Variants in CD200R1 observed in about 807,000 individuals in gnomAD.
The protein encoded by CD200R1 is cell surface glycoprotein CD200 receptor 1.
A neutral mutation model predicts 38.1 loss-of-function variants in CD200R1; 30 were observed. The ratio of observed to expected loss-of-function variants is 0.79; its 90% CI spans 0.59 to 1.07. The LOEUF is 1.07. Ranked by LOEUF, CD200R1 falls within the 50% of genes least tolerant of loss-of-function variation. CD200R1 has a pLI of 0.00. For synonymous variants in CD200R1, 128 were observed against 152.1 expected (o/e 0.84, Z 1.16); for missense variants, 372 against 415.4 (o/e 0.90, Z 0.91).
intron 1 of CD200R1, among the ~76,000 whole-genome samples, chr3:112,951,799 C>T (rs1463216553): frequency 6.7e-6 from 1 of 149,722 alleles, no homozygotes; most frequent in Non-Finnish European, 1.5e-5. Flanking sequence ...AAAAAAAAGC[C>T]TAGGAAAAAA....
intron 2 of CD200R1, among the ~76,000 whole-genome samples, chr3:112,946,117 G>T (rs1940854507): frequency 6.6e-6 from 1 of 151,602 alleles, no homozygotes; most frequent in Admixed American, 6.6e-5. Flanking sequence ...GCCTCTGAGG[G>T]ATTCCATCAC....
intron 2 of CD200R1, among the ~76,000 whole-genome samples, chr3:112,934,937 A>T (rs1374655885): frequency 6.6e-6 from 1 of 152,172 alleles, no homozygotes; most frequent in Non-Finnish European, 1.5e-5. Flanking sequence ...TCCAAATACA[A>T]GCAGGAGTAG....
intron 1 of CD200R1, among the ~76,000 whole-genome samples, chr3:112,965,133 T>C (rs1056689805): frequency 3.9e-5 from 6 of 152,186 alleles, no homozygotes; most frequent in African/African-American, 1.2e-4. Context: ...TGGACTATTA[T>C]ACCAAGTAAA....
At position 112,922,275 on chromosome 3, in the gene CD200R1, ACTT is replaced by A. The variant is rs1360791531; in HGVS notation, c.*1399_*1401del. 1 of 151,964 alleles carries A rather than the reference ACTT, an allele frequency of 6.6e-6. No individual in the cohort carries two copies. Among genetic ancestry groups the A allele is most frequent in the East Asian group, 1.9e-4 (1 of 5,174 alleles). The allele number at this position is 151,964 out of a possible 1,614,324, so 9.4% of individuals were successfully genotyped here. A position where few individuals can be genotyped will look rare whatever the true frequency, so the allele number is the denominator to read the frequency against. On this transcript the variant is annotated 3_prime_UTR_variant, in exon 8 of 8. Transcript: ENST00000308611. The stretch of plus-strand genomic sequence containing the variant: ...TTTCAATTTCTATCATGATGAAAAA[ACTT>A]CTCATGTTTTTTCTGCTATGGAGCA...
chr3:112,928,770 A>G (rs757096193), intron 5 of CD200R1, 46 bp downstream of exon 5: 10 of 1,456,236 alleles, frequency 6.9e-6, no homozygotes, highest in Non-Finnish European at 9.4e-6. Flanking sequence ...TAACTCTTTT[A>G]AAAGAATGGA....
At chr3:112,964,199 G>A (rs1933096879) in intron 1 of CD200R1, among the ~76,000 whole-genome samples, 1 of 152,226 alleles carries the variant, frequency 6.6e-6, no homozygotes, top group Non-Finnish European at 1.5e-5. Context: ...GTATGGAATG[G>A]AAATGTGGGG....
rs1027367528 is a variant in CD200R1, at chr3:112,923,506, C to A, written c.*171G>T. 11 of 413,568 alleles carry A rather than the reference C, an allele frequency of 2.7e-5. No individual in the cohort carries two copies. Among genetic ancestry groups the A allele is most frequent in the African/African-American group, 1.9e-4 (9 of 47,688 alleles). The allele number at this position is 413,568 out of a possible 1,614,324, so 25.6% of individuals were successfully genotyped here. A position where few individuals can be genotyped will look rare whatever the true frequency, so the allele number is the denominator to read the frequency against. On this transcript the variant is annotated 3_prime_UTR_variant, in exon 8 of 8. Coordinates refer to ENST00000308611, the MANE Select transcript of CD200R1 (RefSeq NM_138806.4). ...GAACTAGCTGGTAGCAGCTAAGAAT[C>A]AAAAATTCCAATTATACAAGGGTAT... is the stretch of plus-strand genomic sequence containing the variant.
intron 1 of CD200R1, among the ~76,000 whole-genome samples, chr3:112,966,960 T>C (rs953570396): frequency 2.0e-5 from 3 of 152,206 alleles, no homozygotes; most frequent in African/African-American, 4.8e-5. Flanking sequence ...AGCCCTTTTA[T>C]AGTCAAGCTT....
rs1244013144 is a variant in CD200R1 at position 112,923,813 on chromosome 3, C to T, written c.925-14G>A. The T allele has an allele frequency of 6.6e-7, 1 of 1,506,720 alleles. No homozygotes were observed. The highest frequency in any genetic ancestry group is 9.1e-7 in the Non-Finnish European group (1 of 1,102,902). 93.3% of individuals were successfully genotyped at this position (1,506,720 alleles called of 1,614,324 possible). On this transcript the variant is annotated splice_polypyrimidine_tract_variant and intron_variant, in intron 7 of 7. Transcript: ENST00000308611. The stretch of plus-strand genomic sequence containing the variant: ...CTGCATTTCATCCTAAGAAAGAACT[C>T]AAAGTTAAAATCAATTCAAAAAATC...
At chr3:112,963,867 G>A (rs1269138104) in intron 1 of CD200R1, among the ~76,000 whole-genome samples, 1 of 152,142 alleles carries the variant, frequency 6.6e-6, no homozygotes, top group Non-Finnish European at 1.5e-5. Flanking sequence ...AGGCCTGGAG[G>A]GTTAGGAGAA....
At chr3:112,933,921 C>A (rs1166558427) in intron 2 of CD200R1, among the ~76,000 whole-genome samples, 1 of 151,568 alleles carries the variant, frequency 6.6e-6, no homozygotes, top group African/African-American at 2.4e-5. Context: ...TGAAATAATA[C>A]ATGAGGATTT....
chr3:112,969,960 C>G (rs1390755070), intron 1 of CD200R1, among the ~76,000 whole-genome samples: 3 of 151,950 alleles, frequency 2.0e-5, no homozygotes, highest in South Asian at 4.1e-4. Context: ...TTGCTTGAAC[C>G]CAGGAGTTCA....
At chr3:112,938,039 T>C (rs1398916181) in intron 2 of CD200R1, among the ~76,000 whole-genome samples, 1 of 152,192 alleles carries the variant, frequency 6.6e-6, no homozygotes, top group Non-Finnish European at 1.5e-5. Context: ...CACAATGATT[T>C]TGGATCCTGA....
intron 1 of CD200R1, among the ~76,000 whole-genome samples, chr3:112,971,891 C>A (rs529406038): frequency 9.2e-5 from 14 of 152,110 alleles, no homozygotes; most frequent in Non-Finnish European, 1.9e-4. Context: ...TTTATCCAAA[C>A]CTGTCATTCA....
chr3:112,924,572 A>G, intron 6 of CD200R1, 37 bp from the exon 7 acceptor site: 1 of 1,110,104 alleles, frequency 9.0e-7, no homozygotes, highest in Non-Finnish European at 1.2e-6. Flanking sequence ...AATGGAGGAA[A>G]CATCATTGTT....
At chr3:112,960,733 A>G (rs1932996851) in intron 1 of CD200R1, among the ~76,000 whole-genome samples, 1 of 152,020 alleles carries the variant, frequency 6.6e-6, no homozygotes, top group Non-Finnish European at 1.5e-5. Context: ...CGTTTAACGC[A>G]GAGGTTGGGG....
intron 1 of CD200R1, among the ~76,000 whole-genome samples, chr3:112,953,410 T>A (rs1026625753): frequency 6.6e-6 from 1 of 152,188 alleles, no homozygotes; most frequent in Admixed American, 6.5e-5. Flanking sequence ...TGGCCTGTAG[T>A]TTTCTTTTTA....
intron 1 of CD200R1, among the ~76,000 whole-genome samples, chr3:112,960,871 A>T (rs1205566146): frequency 4.0e-5 from 6 of 151,340 alleles, no homozygotes; most frequent in Non-Finnish European, 8.9e-5. Flanking sequence ...AAAGAAAACT[A>T]AAGTACAAAG....
Position 112,924,525 on chromosome 3 carries a change from A to G in CD200R1, c.889T>C (p.Leu297=). The change falls in exon 7 of 8, where the codon TTG becomes CTG. Residue 297 remains leucine (L), a synonymous_variant. Transcript: ENST00000308611. ...ACTGGAGTAGATTCTGTTTTATTCA[A>G]TTTATATTTTCTATAAAAATAAAAT... ...LKVNGCRKYK[L]NKTESTPVVE... The G allele has an allele frequency of 1.6e-6, 2 of 1,251,750 alleles. No individual in the cohort carries two copies. The highest frequency in any genetic ancestry group is 2.1e-6 in the Non-Finnish European group (2 of 964,392). The allele number at this position is 1,251,750 out of a possible 1,614,324, so 77.5% of individuals were successfully genotyped here.
Sources: allele counts gnomAD v4.1 joint callset (sites outside exome capture counted in the v4.1 genomes callset), GRCh38; gene constraint gnomAD v4.1.1; transcripts MANE v1.5; gene names NCBI Gene and HGNC (gene_info 2026-07-23, HGNC 2026-07-21).